The following ESRRG variants were observed in gnomAD, a reference collection of about 807,000 sequenced individuals.
ESRRG encodes estrogen-related receptor gamma.
Under a neutral mutation model 44.0 loss-of-function variants are expected in ESRRG, and 13 were observed. The ratio of observed to expected loss-of-function variants is 0.30; its 90% CI spans 0.19 to 0.47. The LOEUF is 0.47. ESRRG is among the 20% of genes least tolerant of loss of function. The pLI, the probability that ESRRG is intolerant of heterozygous loss-of-function variation, is 1.00. For missense variants in ESRRG, 395 were observed against 580.6 expected, an observed-to-expected ratio of 0.68 and a Z score of 3.29; for synonymous variants, 215 against 214.6, an observed-to-expected ratio of 1.00 and a Z score of -0.02.
chr1:216,747,293 T>C (rs956378546), intron 2 of ESRRG, among the ~76,000 whole-genome samples: 2 of 152,272 alleles, frequency 1.3e-5, no homozygotes, highest in African/African-American at 4.8e-5. Flanking sequence ...CTTCTTTCTG[T>C]CTTAGCCCTG....
At chr1:216,606,472 A>G (rs958851546) in intron 3 of ESRRG, among the ~76,000 whole-genome samples, 1 of 152,176 alleles carries the variant, frequency 6.6e-6, no homozygotes, top group Non-Finnish European at 1.5e-5. Context: ...ATATGTTTCA[A>G]ATTGGCCAGA....
At chr1:216,511,287 A>T (rs925263816) in intron 6 of ESRRG, among the ~76,000 whole-genome samples, 1 of 152,130 alleles carries the variant, frequency 6.6e-6, no homozygotes, top group Non-Finnish European at 1.5e-5. Context: ...TTAAATTTCC[A>T]TATGCCATAT....
At chr1:216,568,961 G>A (rs2060177984) in intron 3 of ESRRG, among the ~76,000 whole-genome samples, 1 of 151,944 alleles carries the variant, frequency 6.6e-6, no homozygotes, top group Admixed American at 6.6e-5. Flanking sequence ...GTCTGAGGCA[G>A]GAGAATCGCT....
intron 3 of ESRRG, among the ~76,000 whole-genome samples, chr1:216,586,565 C>T (rs1288202885): frequency 6.7e-6 from 1 of 149,678 alleles, no homozygotes. Context: ...AACTAGTAAC[C>T]TAAGTAACTT....
At chr1:216,530,322 C>CTATT (rs568511836) in intron 5 of ESRRG, among the ~76,000 whole-genome samples, 6,145 of 151,760 alleles carry the variant, frequency 0.04, 431 homozygotes, top group African/African-American at 0.14. Flanking sequence ...ATCTATCTAT[C>CTATT]TATCTATCTA....
chr1:217,128,698 C>T (rs2092922031), intron 1 of ESRRG, among the ~76,000 whole-genome samples: 1 of 152,164 alleles, frequency 6.6e-6, no homozygotes, highest in South Asian at 2.1e-4. Context: ...GTCAGTGTAG[C>T]CCCACCTGTT....
intron 2 of ESRRG, among the ~76,000 whole-genome samples, chr1:216,829,977 G>A (rs2095460640): frequency 6.6e-6 from 1 of 152,090 alleles, no homozygotes; most frequent in Non-Finnish European, 1.5e-5. Flanking sequence ...TATCAGCAAA[G>A]GCCTAAGCAA....
chr1:216,969,808 C>T (rs2071263435), intron 1 of ESRRG, among the ~76,000 whole-genome samples: 1 of 152,156 alleles, frequency 6.6e-6, no homozygotes, highest in Admixed American at 6.5e-5. Flanking sequence ...TGGTCTCAAA[C>T]TCCTGACCTC....
intron 2 of ESRRG, among the ~76,000 whole-genome samples, chr1:216,813,541 T>C (rs930198058): frequency 1.3e-5 from 2 of 152,192 alleles, no homozygotes; most frequent in African/African-American, 4.8e-5. Flanking sequence ...GGTGATAGGG[T>C]GGCAAGAACA....
At chr1:216,531,086 A>G (rs1440183629) in intron 5 of ESRRG, among the ~76,000 whole-genome samples, 2 of 152,202 alleles carry the variant, frequency 1.3e-5, no homozygotes, top group Non-Finnish European at 2.9e-5. Flanking sequence ...GATTTACAGC[A>G]TAGGCCATTA....
In ESRRG at chr1:216,880,304, CAAAAAAAAAAAA is replaced by C. The variant is rs11301281; in HGVS notation, c.-14+59266_-14+59277del. Among the ~76,000 whole-genome samples the C allele has an allele frequency of 2.8e-4, 8 of 29,034 alleles. No individual in the cohort carries two copies. The East Asian group carries it at 5.2e-3, about 19-fold the overall frequency. The allele number at this position is 29,034 out of a possible 152,430, so 19.0% of individuals were successfully genotyped here. On this transcript the variant is annotated intron_variant, in intron 2 of 7. Coordinates refer to the ESRRG transcript ENST00000359162. ...CCTGAGCGACAACAAGCCTCCCTCTCAAAAAAAAAAAAAAAAAAAAAAAAAAAAAAGTTTTCA... is the reference window on the plus strand; with the variant it reads ...CCTGAGCGACAACAAGCCTCCCTCTCAAAAAAAAAAAAAAAAAAGTTTTCA...
intron 2 of ESRRG, among the ~76,000 whole-genome samples, chr1:216,816,781 C>T (rs1247695315): frequency 6.6e-6 from 1 of 152,058 alleles, no homozygotes; most frequent in East Asian, 1.9e-4. Context: ...TGAAACAAGT[C>T]CCCCTAAAAA....
chr1:216,932,434 GAAGT>G (rs964970617), intron 2 of ESRRG, among the ~76,000 whole-genome samples: 1 of 152,114 alleles, frequency 6.6e-6, no homozygotes, highest in African/African-American at 2.4e-5. Flanking sequence ...ATTGCAAATT[GAAGT>G]AAGATACTAC....
chr1:216,569,316 G>T (rs532029216), intron 3 of ESRRG, among the ~76,000 whole-genome samples: 64 of 152,214 alleles, frequency 4.2e-4, no homozygotes, highest in South Asian at 1.2e-3. Context: ...GCTTCCCAAA[G>T]AATTCCAAAT....
intron 1 of ESRRG, among the ~76,000 whole-genome samples, chr1:217,083,048 A>G (rs1243135982): frequency 6.6e-6 from 1 of 152,190 alleles, no homozygotes; most frequent in Admixed American, 6.5e-5. Flanking sequence ...ATTCTGTTTT[A>G]CTGCCTTTGT....
At chr1:217,088,700 T>C (rs1465034966) in intron 1 of ESRRG, among the ~76,000 whole-genome samples, 2 of 151,834 alleles carry the variant, frequency 1.3e-5, no homozygotes, top group Non-Finnish European at 2.9e-5. Context: ...TCTTCCAGAA[T>C]TGCTCATTAA....
rs78746000 is a variant in ESRRG, at chr1:216,687,654, A to G, written c.57-10163T>C. On this transcript the variant is annotated intron_variant, in intron 1 of 6. Coordinates refer to ENST00000408911, the MANE Select transcript of ESRRG (RefSeq NM_001438.4). ...TGGTCTCTCATTTAGCGTCTCCTAC[A>G]TCTGAAGATTGCATTTTAATTCAGA... 2.2e-3 allele frequency among the ~76,000 whole-genome samples: 329 copies of G among 152,298 alleles called. 14 individuals are homozygous for G. In the East Asian group the frequency reaches 0.056, roughly 26 times the overall value.
At chr1:216,655,751 A>G (rs2151128036) in intron 2 of ESRRG, among the ~76,000 whole-genome samples, 1 of 152,286 alleles carries the variant, frequency 6.6e-6, no homozygotes, top group Admixed American at 6.5e-5. Flanking sequence ...ATTCTAAATA[A>G]CTTATTTGCT....
chr1:216,821,525 A>C (rs1163152493), intron 2 of ESRRG, among the ~76,000 whole-genome samples: 1 of 151,348 alleles, frequency 6.6e-6, no homozygotes, highest in Non-Finnish European at 1.5e-5. Context: ...GTCTCTATAA[A>C]AATGTATAAA....
Sources: gnomAD v4.1 joint callset for allele counts (sites outside exome capture counted in the v4.1 genomes callset) on GRCh38, gnomAD v4.1.1 for gene constraint, MANE v1.5 for transcripts, NCBI Gene and HGNC (gene_info 2026-07-23, HGNC 2026-07-21) for gene names.